The following CDCA4 variants were observed in gnomAD, a reference collection of about 807,000 sequenced individuals.
CDCA4 encodes the protein cell division cycle-associated protein 4.
For missense variants in CDCA4, 294 were observed against 322.1 expected (o/e 0.91, Z 0.67); for synonymous variants, 130 against 137.0 (o/e 0.95, Z 0.36).
chr14:105,020,115 A>G (rs1305914613), intron 1 of CDCA4, among the ~76,000 whole-genome samples: 2 of 152,232 alleles, frequency 1.3e-5, no homozygotes, highest in African/African-American at 2.4e-5. Flanking sequence ...CTTTTCCAAG[A>G]TACAGCCTAC....
At chr14:105,012,802 T>A (rs1566938561) in intron 1 of CDCA4, among the ~76,000 whole-genome samples, 1 of 152,184 alleles carries the variant, frequency 6.6e-6, no homozygotes, top group Non-Finnish European at 1.5e-5. Context: ...GCTTTCTACT[T>A]GACATCTCTC....
intron 1 of CDCA4, among the ~76,000 whole-genome samples, chr14:105,018,345 A>G (rs1886139448): frequency 6.6e-6 from 1 of 152,264 alleles, no homozygotes; most frequent in African/African-American, 2.4e-5. Flanking sequence ...AATCTCCAGC[A>G]GCTGTTAATT....
At position 105,011,390 on chromosome 14, in the gene CDCA4, C is replaced by G. The variant is rs760713684; in HGVS notation, c.540G>C (p.Leu180=). Residue 180 remains leucine, a synonymous_variant, in exon 2 of 2, where the codon CTG becomes CTC. Coordinates refer to ENST00000336219, the MANE Select transcript of CDCA4 (RefSeq NM_017955.4). ...ETKNPSCMEE[L]FSDVDSPYYD... is the part of the protein sequence containing the mutation. Reference sequence around the variant, plus strand: ...AGTAGGGGCTGTCCACGTCTGAGAACAGCTCTTCCATGCAGCTGGGGTTTT... The same window carrying G: ...AGTAGGGGCTGTCCACGTCTGAGAAGAGCTCTTCCATGCAGCTGGGGTTTT... The G allele has an allele frequency of 6.2e-7, 1 of 1,614,144 alleles. No homozygotes were observed. The highest frequency in any genetic ancestry group is 8.5e-7 in the Non-Finnish European group (1 of 1,180,052).
chr14:105,017,091 T>A (rs1346960533), intron 1 of CDCA4, among the ~76,000 whole-genome samples: 1 of 152,176 alleles, frequency 6.6e-6, no homozygotes, highest in East Asian at 1.9e-4. Context: ...GAAAAGAAAT[T>A]CAGAGAACAG....
Position 105,011,132 on chromosome 14 carries a change from C to CA in CDCA4, c.*71_*72insT. ...GCAAGGCTGGGCCGCTGGCGGCAGG[C>CA]GCACCCTCCGTGGGAGCCAGTGCTC... On this transcript the variant is annotated 3_prime_UTR_variant, in exon 2 of 2. Transcript: ENST00000336219. The CA allele has an allele frequency of 6.7e-7, 1 of 1,499,364 alleles. No individual in the cohort carries two copies. The highest frequency in any genetic ancestry group is 8.9e-7 in the Non-Finnish European group (1 of 1,123,390). 92.9% of individuals were successfully genotyped at this position (1,499,364 alleles called of 1,614,324 possible).
At chr14:105,019,380 T>C (rs1886166779) in intron 1 of CDCA4, among the ~76,000 whole-genome samples, 1 of 152,196 alleles carries the variant, frequency 6.6e-6, no homozygotes, top group South Asian at 2.1e-4. Context: ...CACACCTTCG[T>C]GGCTGAGCAA....
intron 1 of CDCA4, among the ~76,000 whole-genome samples, chr14:105,018,879 G>A (rs1886152926): frequency 6.6e-6 from 1 of 152,028 alleles, no homozygotes; most frequent in South Asian, 2.1e-4. Flanking sequence ...TAGGACTACA[G>A]GCACGCGCCA....
intron 1 of CDCA4, among the ~76,000 whole-genome samples, chr14:105,012,491 A>G (rs1349405752): frequency 6.6e-6 from 1 of 152,186 alleles, no homozygotes; most frequent in Non-Finnish European, 1.5e-5. Context: ...CTTCCCCCTC[A>G]ATGCTTTCAC....
chr14:105,017,222 CT>C (rs375815781), intron 1 of CDCA4, among the ~76,000 whole-genome samples: 134 of 145,296 alleles, frequency 9.2e-4, no homozygotes, highest in South Asian at 1.1e-3. Flanking sequence ...TGTAAGCATT[CT>C]TTTTTTTTTT....
Position 105,011,069 on chromosome 14 carries a change from G to A in CDCA4, c.*135C>T. On this transcript the variant is annotated 3_prime_UTR_variant, in exon 2 of 2. Transcript: ENST00000336219. ...TAGGGCTGCAGCCCCACTGGTAATGGGCTGTTCTGGGATTTCTCAGAATCA... is the reference window on the plus strand; with the variant it reads ...TAGGGCTGCAGCCCCACTGGTAATGAGCTGTTCTGGGATTTCTCAGAATCA... 1 of 1,085,714 alleles carries A rather than the reference G, an allele frequency of 9.2e-7. No homozygotes were observed. The highest frequency in any genetic ancestry group is 2.6e-5 in the East Asian group (1 of 38,478). 67.3% of individuals were successfully genotyped at this position (1,085,714 alleles called of 1,614,324 possible). A position where few individuals can be genotyped will look rare whatever the true frequency, so the allele number is the denominator to read the frequency against.
At chr14:105,017,537 T>C (rs1268798692) in intron 1 of CDCA4, among the ~76,000 whole-genome samples, 1 of 152,056 alleles carries the variant, frequency 6.6e-6, no homozygotes, top group East Asian at 1.9e-4. Context: ...AGCATTCTTT[T>C]AGGACTTAAA....
At chr14:105,019,698 T>C (rs1182910219) in intron 1 of CDCA4, among the ~76,000 whole-genome samples, 1 of 150,926 alleles carries the variant, frequency 6.6e-6, no homozygotes, top group Non-Finnish European at 1.5e-5. Flanking sequence ...ACTGTTATGT[T>C]AATTTCAGGT....
chr14:105,015,051 G>T (rs376995512), intron 1 of CDCA4, among the ~76,000 whole-genome samples: 2 of 152,298 alleles, frequency 1.3e-5, no homozygotes, highest in East Asian at 3.9e-4. Context: ...GAATACCAAT[G>T]GGACAGGCCA....
chr14:105,017,690 G>A (rs1266400358), intron 1 of CDCA4, among the ~76,000 whole-genome samples: 2 of 152,096 alleles, frequency 1.3e-5, no homozygotes, highest in African/African-American at 4.8e-5. Context: ...GATTAGTCAG[G>A]TGTGGTGGCA....
chr14:105,016,194 G>C (rs1004814241), intron 1 of CDCA4, among the ~76,000 whole-genome samples: 4 of 152,138 alleles, frequency 2.6e-5, no homozygotes, highest in African/African-American at 9.7e-5. Context: ...AGACAATCTG[G>C]AAGAGCATCA....
intron 1 of CDCA4, among the ~76,000 whole-genome samples, chr14:105,015,789 C>T (rs1342619603): frequency 2.6e-5 from 4 of 152,146 alleles, no homozygotes; most frequent in South Asian, 2.1e-4. Flanking sequence ...CTCAGCCTCC[C>T]GAGTAGCTGG....
chr14:105,015,801 AT>A (rs1311312420), intron 1 of CDCA4, among the ~76,000 whole-genome samples: 2 of 152,160 alleles, frequency 1.3e-5, no homozygotes, highest in Non-Finnish European at 2.9e-5. Context: ...AGTAGCTGGG[AT>A]TACAAGGGTG....
At chr14:105,017,100 AG>A (rs1481515163) in intron 1 of CDCA4, among the ~76,000 whole-genome samples, 2 of 152,236 alleles carry the variant, frequency 1.3e-5, no homozygotes, top group Non-Finnish European at 2.9e-5. Context: ...TTCAGAGAAC[AG>A]GGGGAACCTT....
intron 1 of CDCA4, 76 bp from the exon 2 acceptor site, chr14:105,012,011 C>T (rs982543488): frequency 6.7e-7 from 1 of 1,500,510 alleles, no homozygotes. Context: ...TTTCGTCTGA[C>T]TGCCCTCACT....
Sources: allele counts gnomAD v4.1 joint callset (sites outside exome capture counted in the v4.1 genomes callset), GRCh38; gene constraint gnomAD v4.1.1; transcripts MANE v1.5; gene names NCBI Gene and HGNC (gene_info 2026-07-23, HGNC 2026-07-21).